CDIN1: variants seen among roughly 807,000 people sequenced by gnomAD.
CDIN1 encodes the protein CDAN1 interacting nuclease 1.
In CDIN1, 33 loss-of-function variants were observed where a neutral mutation model predicts 45.3. The observed-to-expected ratio is 0.73, with a 90% CI of 0.55 to 0.97. CDIN1 has a LOEUF of 0.97. Among genes scored for constraint, CDIN1 ranks in the 50% least tolerant of loss-of-function variants. The pLI is 0.00. For synonymous variants in CDIN1, 118 were observed against 124.4 expected (o/e 0.95, Z 0.34); for missense variants, 303 against 339.4 (o/e 0.89, Z 0.84).
Position 36,808,248 on chromosome 15 carries a change from T to A in CDIN1, c.717-76T>A, listed in dbSNP as rs1013074339. The stretch of plus-strand genomic sequence containing the variant: ...GCAGTCCTGTCATTTAATCATCTTA[T>A]CAGTGCCCCAAGGTGACTTTTTTCA... On this transcript the variant is annotated intron_variant, in intron 10 of 10. Transcript: ENST00000566621. 3.2e-6 allele frequency: 5 copies of A among 1,572,376 alleles called. No homozygotes were observed. In the Admixed American group the frequency reaches 8.8e-5, roughly 28 times the overall value.
chr15:36,751,945 A>G (rs1285117496), intron 10 of CDIN1, among the ~76,000 whole-genome samples: 1 of 152,184 alleles, frequency 6.6e-6, no homozygotes, highest in Non-Finnish European at 1.5e-5. Context: ...GCTGCTGAAC[A>G]ATGAAAACAC....
intron 10 of CDIN1, among the ~76,000 whole-genome samples, chr15:36,771,248 T>C (rs1013224079): frequency 2.0e-5 from 3 of 152,188 alleles, no homozygotes; most frequent in Non-Finnish European, 2.9e-5. Context: ...AAATACCTAA[T>C]GTAGATGACG....
At chr15:36,756,565 A>G (rs538766497) in intron 10 of CDIN1, among the ~76,000 whole-genome samples, 8 of 152,366 alleles carry the variant, frequency 5.3e-5, no homozygotes, top group African/African-American at 1.9e-4. Context: ...CTGACCAGGT[A>G]GCAAGTGCCA....
intron 10 of CDIN1, among the ~76,000 whole-genome samples, chr15:36,714,548 A>C (rs1190477026): frequency 6.6e-6 from 1 of 152,192 alleles, no homozygotes; most frequent in African/African-American, 2.4e-5. Flanking sequence ...TCTATTCTAC[A>C]TGAAGAGCTG....
intron 3 of CDIN1, among the ~76,000 whole-genome samples, chr15:36,648,274 C>A (rs1184304137): frequency 6.6e-6 from 1 of 151,836 alleles, no homozygotes; most frequent in African/African-American, 2.4e-5. Context: ...AATTGTGAAT[C>A]CTGAGTTTTA....
intron 1 of CDIN1, chr15:36,626,785 G>A (rs886118754): frequency 2.9e-6 from 1 of 339,004 alleles, no homozygotes; most frequent in Non-Finnish European, 5.8e-6. Flanking sequence ...TGATGATGAT[G>A]GGGGTCAGGG....
intron 10 of CDIN1, among the ~76,000 whole-genome samples, chr15:36,792,982 C>A (rs1482240579): frequency 6.6e-6 from 1 of 152,108 alleles, no homozygotes; most frequent in East Asian, 1.9e-4. Flanking sequence ...CTGAAAGTCC[C>A]CCTGATCTTT....
chr15:36,616,897 C>T (rs1005734670), intron 1 of CDIN1, among the ~76,000 whole-genome samples: 1 of 151,910 alleles, frequency 6.6e-6, no homozygotes, highest in African/African-American at 2.4e-5. Context: ...TGCACTCCAG[C>T]TTGGGTGACA....
intron 10 of CDIN1, among the ~76,000 whole-genome samples, chr15:36,798,357 A>G (rs1025126653): frequency 6.6e-6 from 1 of 152,016 alleles, no homozygotes; most frequent in African/African-American, 2.4e-5. Flanking sequence ...CCTTTCTGGC[A>G]TTTGCCTTCA....
At chr15:36,625,073 T>C (rs565209956) in intron 1 of CDIN1, among the ~76,000 whole-genome samples, 1 of 151,744 alleles carries the variant, frequency 6.6e-6, no homozygotes, top group South Asian at 2.1e-4. Context: ...GTTAGGAGAT[T>C]AAGACCATCC....
At position 36,808,440 on chromosome 15, in the gene CDIN1, A is replaced by G. The variant is rs749766407; in HGVS notation, c.833A>G (p.His278Arg). 5 of 1,613,472 alleles carry G rather than the reference A, an allele frequency of 3.1e-6. No homozygotes were observed. In the South Asian group the frequency reaches 5.5e-5, roughly 18 times the overall value. ...CCCACGAACATTGTCACCTTATGCC[A>G]CAGCATAGCTTGACCCTGAAGATCC... ...CFPTNIVTLC[H>R]SIA The change falls in exon 11 of 11, where the codon CAC becomes CGC. Residue 278 changes from histidine to arginine, a missense_variant. Transcript: ENST00000566621.
Position 36,741,402 on chromosome 15 carries a change from A to G in CDIN1, c.716+31441A>G, listed in dbSNP as rs1400528128. ...TTAAGTCTGAAAAACTTCAAAGACC[A>G]GTTGACATCATTGTCTTCATCAAAT... On this transcript the variant is annotated intron_variant, in intron 10 of 10. Transcript: ENST00000566621. Among the ~76,000 whole-genome samples the G allele has an allele frequency of 7.2e-5, 11 of 152,062 alleles. No homozygotes were observed. In the East Asian group the frequency reaches 1.9e-3, roughly 27 times the overall value.
chr15:36,743,946 A>G (rs1286332879), intron 10 of CDIN1, among the ~76,000 whole-genome samples: 1 of 150,264 alleles, frequency 6.7e-6, no homozygotes, highest in Non-Finnish European at 1.5e-5. Flanking sequence ...TGACTTAAAC[A>G]TTTTATTCTT....
chr15:36,806,895 A>G (rs1266941071), intron 10 of CDIN1, among the ~76,000 whole-genome samples: 1 of 152,096 alleles, frequency 6.6e-6, no homozygotes, highest in African/African-American at 2.4e-5. Context: ...CAGGTAGCCT[A>G]ATTCTACTGA....
At chr15:36,590,096 A>C (rs906329333) in intron 1 of CDIN1, among the ~76,000 whole-genome samples, 1 of 152,140 alleles carries the variant, frequency 6.6e-6, no homozygotes, top group African/African-American at 2.4e-5. Context: ...ATGGCTTGTC[A>C]CTTTCAAGTT....
At chr15:36,639,273 A>G (rs2040014801) in intron 1 of CDIN1, among the ~76,000 whole-genome samples, 1 of 152,148 alleles carries the variant, frequency 6.6e-6, no homozygotes, top group Non-Finnish European at 1.5e-5. Context: ...GGAAAAAAAA[A>G]GCAATAAAAG....
Position 36,663,609 on chromosome 15 carries a change from A to G in CDIN1, c.346+5704A>G, listed in dbSNP as rs548054045. ...CCTTCCTGCCACCATGTGAAGAAGT[A>G]TGTGTTTGCTTCCCCTTCCACCATC... On this transcript the variant is annotated intron_variant, in intron 5 of 10. Coordinates refer to ENST00000566621, the MANE Select transcript of CDIN1 (RefSeq NM_001321759.2). Among the ~76,000 whole-genome samples, 6 of 152,238 alleles carry G rather than the reference A, an allele frequency of 3.9e-5. No individual in the cohort carries two copies. In the East Asian group the frequency reaches 9.6e-4, roughly 24 times the overall value.
chr15:36,657,202 A>T (rs1350011851), intron 4 of CDIN1, among the ~76,000 whole-genome samples: 2 of 152,142 alleles, frequency 1.3e-5, no homozygotes, highest in African/African-American at 4.8e-5. Flanking sequence ...AGTGTTTCAG[A>T]TAAGGACGGT....
intron 10 of CDIN1, among the ~76,000 whole-genome samples, chr15:36,754,842 T>C (rs552007277): frequency 6.6e-6 from 1 of 152,188 alleles, no homozygotes; most frequent in Non-Finnish European, 1.5e-5. Context: ...TTGGGGATGA[T>C]TAATTAAGCG....
Sources: allele counts gnomAD v4.1 joint callset (sites outside exome capture counted in the v4.1 genomes callset), GRCh38; gene constraint gnomAD v4.1.1; transcripts MANE v1.5; gene names NCBI Gene and HGNC (gene_info 2026-07-23, HGNC 2026-07-21).